Variants in GPCPD1 observed in about 807,000 individuals in gnomAD.
GPCPD1 encodes glycerophosphocholine phosphodiesterase 1, also known as glycerophosphocholine phosphodiesterase GPCPD1.
In GPCPD1, 29 loss-of-function variants were observed where a neutral mutation model predicts 89.2. The observed-to-expected ratio is 0.33, with a 90% CI of 0.24 to 0.44. GPCPD1 has a LOEUF of 0.44. Among genes scored for constraint, GPCPD1 ranks in the 20% least tolerant of loss-of-function variants. GPCPD1 has a pLI of 1.00. For synonymous variants in GPCPD1, 258 were observed against 266.3 expected, an observed-to-expected ratio of 0.97 and a Z score of 0.30; for missense variants, 594 against 808.9, an observed-to-expected ratio of 0.73 and a Z score of 3.22.
chr20:5,573,668 A>C (rs1430221201), intron 11 of GPCPD1, among the ~76,000 whole-genome samples: 1 of 152,160 alleles, frequency 6.6e-6, no homozygotes, highest in African/African-American at 2.4e-5. Flanking sequence ...GCCTGAGCCC[A>C]GGAGGTTGAG....
At chr20:5,602,841 G>C (rs1157592582) in intron 2 of GPCPD1, among the ~76,000 whole-genome samples, 1 of 152,112 alleles carries the variant, frequency 6.6e-6, no homozygotes, top group African/African-American at 2.4e-5. Flanking sequence ...AAATTAGCCA[G>C]GTGTGGTGTC....
intron 2 of GPCPD1, among the ~76,000 whole-genome samples, chr20:5,601,072 C>T (rs1299601723): frequency 1.3e-5 from 2 of 151,414 alleles, no homozygotes; most frequent in East Asian, 1.9e-4. Flanking sequence ...TCCAGCTACT[C>T]GGGAGGCTGA....
At chr20:5,607,616 AAAT>A (rs779414523) in intron 1 of GPCPD1, among the ~76,000 whole-genome samples, 91 of 152,174 alleles carry the variant, frequency 6.0e-4, no homozygotes, top group Non-Finnish European at 9.7e-4. Context: ...CCCTTCATCA[AAAT>A]AATTTCTAAA....
At chr20:5,598,285 A>G (rs1159007964) in intron 3 of GPCPD1, among the ~76,000 whole-genome samples, 1 of 152,170 alleles carries the variant, frequency 6.6e-6, no homozygotes, top group South Asian at 2.1e-4. Flanking sequence ...GGGTGCCTAT[A>G]GTCACAGCTA....
chr20:5,604,478 T>G (rs1038856037), intron 1 of GPCPD1, 38 bp from the exon 2 acceptor site: 10 of 934,442 alleles, frequency 1.1e-5, no homozygotes, highest in Middle Eastern at 2.8e-4. Context: ...AGTATAAAAA[T>G]ATATGCCTTA....
chr20:5,548,664 G>A (rs6053482), intron 19 of GPCPD1, among the ~76,000 whole-genome samples: 37,304 of 152,044 alleles, frequency 0.25, 5,021 homozygotes, highest in East Asian at 0.43. Flanking sequence ...AATAAAATCC[G>A]TAAGTAAGAG....
chr20:5,580,925 G>A (rs545576207), intron 6 of GPCPD1, among the ~76,000 whole-genome samples: 98 of 149,780 alleles, frequency 6.5e-4, no homozygotes, highest in Non-Finnish European at 1.2e-3. Flanking sequence ...CCAGGCTAGA[G>A]TGCAGTGGCA....
intron 5 of GPCPD1, 175 bp downstream of exon 5, chr20:5,586,019 G>A: frequency 2.3e-6 from 1 of 429,680 alleles, no homozygotes; most frequent in Admixed American, 4.1e-5. Flanking sequence ...ATTTTAAGAG[G>A]CAATTAAAAA....
intron 10 of GPCPD1, 132 bp from the exon 11 acceptor site, chr20:5,574,101 C>A: frequency 1.6e-6 from 1 of 634,098 alleles, no homozygotes; most frequent in Non-Finnish European, 2.8e-6. Flanking sequence ...TTTGACATCC[C>A]CAAAATATGA....
rs1396738852 is a variant in GPCPD1, at chr20:5,546,488, TTTTA to T, written c.*1169_*1172del. On this transcript the variant is annotated 3_prime_UTR_variant, in exon 20 of 20. Transcript: ENST00000379019. The stretch of plus-strand genomic sequence containing the variant: ...TAATGAAGAAAATAAATCTGTATCA[TTTTA>T]TTTAACATTCATTCTTTAAGTTACA... 1 of 152,222 alleles carries T rather than the reference TTTTA, an allele frequency of 6.6e-6. No individual in the cohort carries two copies. Among genetic ancestry groups the T allele is most frequent in the Non-Finnish European group, 1.5e-5 (1 of 68,042 alleles). 9.4% of individuals were successfully genotyped at this position (152,222 alleles called of 1,614,324 possible). A position where few individuals can be genotyped will look rare whatever the true frequency, so the allele number is the denominator to read the frequency against.
chr20:5,579,589 C>A lies in GPCPD1; in HGVS notation c.473+419G>T, dbSNP rs1978326794. On this transcript the variant is annotated intron_variant, in intron 7 of 19. Transcript: ENST00000379019. Reference sequence around the variant, plus strand: ...TCTTGAACTCCCGACCTCAGGTGATCTGCCCACCTCGGCCTCCCAAAGTGC... The same window carrying A: ...TCTTGAACTCCCGACCTCAGGTGATATGCCCACCTCGGCCTCCCAAAGTGC... Among the ~76,000 whole-genome samples the A allele has an allele frequency of 2.0e-5, 3 of 152,208 alleles. No individual in the cohort carries two copies. In the East Asian group the frequency reaches 5.8e-4, roughly 29 times the overall value.
Position 5,590,529 on chromosome 20 carries a change from C to T in GPCPD1, c.231+2798G>A, listed in dbSNP as rs1444910007. On this transcript the variant is annotated intron_variant, in intron 4 of 19. Coordinates refer to ENST00000379019, the MANE Select transcript of GPCPD1 (RefSeq NM_019593.5). ...CTGCACTCCAGCCTGGGCGACAGAA[C>T]AAGACTCTGTCTCAAAAAAAAAAAT... Among the ~76,000 whole-genome samples the T allele has an allele frequency of 1.6e-4, 3 of 19,024 alleles. No individual in the cohort carries two copies. In the East Asian group the frequency reaches 5.5e-3, roughly 35 times the overall value. The allele number at this position is 19,024 out of a possible 152,430, so 12.5% of individuals were successfully genotyped here.
At chr20:5,550,315 A>G (rs986236392) in intron 19 of GPCPD1, among the ~76,000 whole-genome samples, 1 of 149,038 alleles carries the variant, frequency 6.7e-6, no homozygotes. Flanking sequence ...AAATAGGAGG[A>G]AAAAAAAATC....
At chr20:5,559,505 T>G (rs1985968863) in intron 17 of GPCPD1, among the ~76,000 whole-genome samples, 1 of 152,188 alleles carries the variant, frequency 6.6e-6, no homozygotes, top group Non-Finnish European at 1.5e-5. Flanking sequence ...GGACTGCTTG[T>G]GCCCGAGAGG....
intron 19 of GPCPD1, among the ~76,000 whole-genome samples, chr20:5,549,753 A>C (rs1985266239): frequency 1.4e-5 from 2 of 147,420 alleles, no homozygotes; most frequent in Non-Finnish European, 3.0e-5. Context: ...TGCCTCAAAA[A>C]AAAAAAAAAA....
chr20:5,567,575 A>AAAG lies in GPCPD1; in HGVS notation c.1150-16_1150-15insCTT. ...GCATCAAATTTCTAAAAAAAAAAAA[A>AAAG]AAAGAAAGAAAGAAAAAGAAAGAAT... On this transcript the variant is annotated splice_polypyrimidine_tract_variant and intron_variant, in intron 12 of 19. Transcript: ENST00000379019. The AAAG allele has an allele frequency of 6.5e-7, 1 of 1,537,424 alleles. No individual in the cohort carries two copies. The highest frequency in any genetic ancestry group is 8.7e-7 in the Non-Finnish European group (1 of 1,145,926).
Position 5,545,511 on chromosome 20 carries a change from G to A in GPCPD1, c.*2150C>T, listed in dbSNP as rs1984989773. The A allele has an allele frequency of 6.6e-6, 1 of 152,396 alleles. No homozygotes were observed. The highest frequency in any genetic ancestry group is 2.4e-5 in the African/African-American group (1 of 41,444). The allele number at this position is 152,396 out of a possible 1,614,324, so 9.4% of individuals were successfully genotyped here. A position where few individuals can be genotyped will look rare whatever the true frequency, so the allele number is the denominator to read the frequency against. On this transcript the variant is annotated 3_prime_UTR_variant, in exon 20 of 20. Coordinates refer to ENST00000379019, the MANE Select transcript of GPCPD1 (RefSeq NM_019593.5). ...TTGGGCACAAGAAGAAATGAGTTTG[G>A]CAGAGAGAAAGTGACTATGGGAGGA...
intron 3 of GPCPD1, among the ~76,000 whole-genome samples, chr20:5,594,031 TCTCTG>T (rs1326347352): frequency 6.6e-6 from 1 of 152,238 alleles, no homozygotes; most frequent in Non-Finnish European, 1.5e-5. Context: ...CCAATGTCTT[TCTCTG>T]AACTATGTTA....
At chr20:5,582,208 A>AAAC in intron 6 of GPCPD1, among the ~76,000 whole-genome samples, 2 of 144,838 alleles carry the variant, frequency 1.4e-5, no homozygotes, top group African/African-American at 5.1e-5. Flanking sequence ...AAAAAAAAAA[A>AAAC]AAAAAAAAAA....
Sources: allele counts gnomAD v4.1 joint callset (sites outside exome capture counted in the v4.1 genomes callset), GRCh38; gene constraint gnomAD v4.1.1; transcripts MANE v1.5; gene names NCBI Gene and HGNC (gene_info 2026-07-23, HGNC 2026-07-21).